The following HNF4G variants were observed in gnomAD, a reference collection of about 807,000 sequenced individuals.
HNF4G encodes the protein hepatocyte nuclear factor 4 gamma.
Under a neutral mutation model 50.9 loss-of-function variants are expected in HNF4G, and 21 were observed. That is an observed-to-expected ratio of 0.41 (90% confidence interval 0.29 to 0.59). HNF4G has a LOEUF of 0.59. HNF4G is among the 20% of genes least tolerant of loss of function. The pLI is 0.26. For synonymous variants in HNF4G, 198 were observed against 185.6 expected (o/e 1.07, Z -0.54); for missense variants, 527 against 559.4 (o/e 0.94, Z 0.58).
At chr8:75,499,241 AAC>A (rs528677550) in intron 2 of HNF4G, among the ~76,000 whole-genome samples, 7 of 152,072 alleles carry the variant, frequency 4.6e-5, no homozygotes, top group Non-Finnish European at 1.0e-4. Flanking sequence ...ATTAGCAAAC[AAC>A]AGTCAGAAGG....
At chr8:75,556,099 A>C in intron 6 of HNF4G, 30 bp downstream of exon 6, 1 of 1,202,630 alleles carries the variant, frequency 8.3e-7, no homozygotes, top group South Asian at 1.4e-5. Context: ...TTTAAGAAGA[A>C]ATTATGCATA....
intron 1 of HNF4G, among the ~76,000 whole-genome samples, chr8:75,478,706 C>T (rs1358434661): frequency 6.6e-6 from 1 of 151,924 alleles, no homozygotes; most frequent in Non-Finnish European, 1.5e-5. Context: ...GAGATAGCTA[C>T]GCATCTTTTC....
Position 75,550,947 on chromosome 8 carries a change from T to A in HNF4G, c.383-441T>A, listed in dbSNP as rs530309538. On this transcript the variant is annotated intron_variant, in intron 3 of 9. Transcript: ENST00000396423. ...TCATAACTAAGTTTACTTTCCATTT[T>A]TGCTCGTGTTTTATAGAGAAAAGAA... Among the ~76,000 whole-genome samples the A allele has an allele frequency of 2.0e-5, 3 of 152,302 alleles. No homozygotes were observed. The East Asian group carries it at 5.8e-4, about 29-fold the overall frequency.
Position 75,565,931 on chromosome 8 carries a change from A to T in HNF4G, c.*1835A>T, listed in dbSNP as rs1585966603. 3 of 152,208 alleles carry T rather than the reference A, an allele frequency of 2.0e-5. No homozygotes were observed. The South Asian group carries it at 6.2e-4, about 32-fold the overall frequency. The allele number at this position is 152,208 out of a possible 1,614,324, so 9.4% of individuals were successfully genotyped here. ...GGAGTTTTTTAACTCTTATTTTTTG[A>T]AAATTTACTGTAGCTTCTATTTCGT... On this transcript the variant is annotated 3_prime_UTR_variant, in exon 10 of 10. Transcript: ENST00000396423.
chr8:75,523,369 A>G (rs1240017115), intron 2 of HNF4G, among the ~76,000 whole-genome samples: 6 of 152,252 alleles, frequency 3.9e-5, no homozygotes, highest in Non-Finnish European at 8.8e-5. Flanking sequence ...TTCTTGAATC[A>G]ATTCAATTTC....
chr8:75,466,694 C>T (rs1360236336), intron 1 of HNF4G, among the ~76,000 whole-genome samples: 3 of 127,344 alleles, frequency 2.4e-5, no homozygotes, highest in Non-Finnish European at 4.8e-5. Context: ...CCTTCCCTTT[C>T]TCTTCTTCTT....
intron 1 of HNF4G, among the ~76,000 whole-genome samples, chr8:75,471,894 A>T (rs904237953): frequency 3.3e-5 from 5 of 152,190 alleles, no homozygotes; most frequent in Non-Finnish European, 5.9e-5. Flanking sequence ...GCAGCTTGGG[A>T]TGATGGAAAG....
chr8:75,443,447 A>T (rs1811336493), intron 1 of HNF4G, among the ~76,000 whole-genome samples: 1 of 152,222 alleles, frequency 6.6e-6, no homozygotes, highest in South Asian at 2.1e-4. Flanking sequence ...AAGGATAACA[A>T]GTTATACGTT....
At chr8:75,522,857 C>T (rs2977921) in intron 2 of HNF4G, among the ~76,000 whole-genome samples, 121,605 of 152,034 alleles carry the variant, frequency 0.8, 49,447 homozygotes, top group African/African-American at 0.95. Flanking sequence ...TGGAAATGCT[C>T]TCACTGGAGT....
intron 1 of HNF4G, among the ~76,000 whole-genome samples, chr8:75,452,690 G>A (rs918727105): frequency 5.3e-5 from 8 of 151,786 alleles, no homozygotes; most frequent in Non-Finnish European, 1.0e-4. Flanking sequence ...CTGCACTCCA[G>A]CCTGGGCAAC....
intron 9 of HNF4G, among the ~76,000 whole-genome samples, chr8:75,563,370 G>A (rs756680333): frequency 5.3e-5 from 8 of 151,500 alleles, no homozygotes; most frequent in Non-Finnish European, 7.4e-5. Context: ...ACTCAGGCTT[G>A]CTCTTTGCAT....
intron 1 of HNF4G, among the ~76,000 whole-genome samples, chr8:75,456,854 C>T (rs1811735850): frequency 6.6e-6 from 1 of 152,006 alleles, no homozygotes; most frequent in Non-Finnish European, 1.5e-5. Context: ...GATTCCCCCA[C>T]TTCAGGCTCC....
chr8:75,551,636 T>A, intron 4 of HNF4G, 142 bp downstream of exon 4: 2 of 531,466 alleles, frequency 3.8e-6, no homozygotes, highest in East Asian at 3.0e-5. Context: ...AGTTTTACTT[T>A]GAAAGTTTGA....
intron 1 of HNF4G, among the ~76,000 whole-genome samples, chr8:75,453,304 T>C (rs1336069036): frequency 6.6e-6 from 1 of 152,088 alleles, no homozygotes; most frequent in African/African-American, 2.4e-5. Flanking sequence ...CAGTGCTCTG[T>C]AAAAACGCAC....
At chr8:75,543,581 A>G (rs563304091) in intron 1 of HNF4G, among the ~76,000 whole-genome samples, 1 of 152,290 alleles carries the variant, frequency 6.6e-6, no homozygotes, top group East Asian at 1.9e-4. Context: ...CCCTTGGGAA[A>G]GAGCATAGTT....
At chr8:75,442,757 T>G (rs576050603) in intron 1 of HNF4G, among the ~76,000 whole-genome samples, 34 of 152,252 alleles carry the variant, frequency 2.2e-4, no homozygotes, top group African/African-American at 7.7e-4. Flanking sequence ...ATATTGAGTT[T>G]GAATATAGAA....
chr8:75,461,427 T>G (rs1368366345), intron 1 of HNF4G, among the ~76,000 whole-genome samples: 2 of 152,158 alleles, frequency 1.3e-5, no homozygotes, highest in Non-Finnish European at 2.9e-5. Context: ...TCCTCTCTTT[T>G]TCATCCTTTA....
At chr8:75,440,758 A>G (rs986671524) in intron 1 of HNF4G, among the ~76,000 whole-genome samples, 1 of 152,362 alleles carries the variant, frequency 6.6e-6, no homozygotes, top group Admixed American at 6.5e-5. Context: ...AAATTTTAAA[A>G]GTAGGCTTAA....
chr8:75,517,832 G>C (rs1805933880), intron 2 of HNF4G, among the ~76,000 whole-genome samples: 1 of 152,044 alleles, frequency 6.6e-6, no homozygotes, highest in Non-Finnish European at 1.5e-5. Context: ...TAGGGACCTT[G>C]TGTGCGGGTT....
Sources: allele counts gnomAD v4.1 joint callset (sites outside exome capture counted in the v4.1 genomes callset), GRCh38; gene constraint gnomAD v4.1.1; transcripts MANE v1.5; gene names NCBI Gene and HGNC (gene_info 2026-07-23, HGNC 2026-07-21).